MAN1A2: variants seen among roughly 807,000 people sequenced by gnomAD.
MAN1A2 encodes mannosyl-oligosaccharide 1,2-alpha-mannosidase IB.
Under a neutral mutation model 75.7 loss-of-function variants are expected in MAN1A2, and 26 were observed. The ratio of observed to expected loss-of-function variants is 0.34; its 90% CI spans 0.25 to 0.48. The LOEUF (loss-of-function observed/expected upper bound fraction) is 0.48, where lower values mean the gene tolerates loss of function less well. Among genes scored for constraint, MAN1A2 ranks in the 20% least tolerant of loss-of-function variants. The pLI is 0.99. For missense variants in MAN1A2, 562 were observed against 775.5 expected (o/e 0.72, Z 3.27); for synonymous variants, 247 against 264.6 (o/e 0.93, Z 0.65).
At chr1:117,428,772 G>GAGGAGACCT (rs911965397) in intron 5 of MAN1A2, among the ~76,000 whole-genome samples, 2 of 143,586 alleles carry the variant, frequency 1.4e-5, no homozygotes, top group African/African-American at 5.1e-5. Context: ...TCAGAGACAA[G>GAGGAGACCT]AGGAGACCTT....
intron 1 of MAN1A2, among the ~76,000 whole-genome samples, chr1:117,379,642 C>T (rs868665928): frequency 2.0e-5 from 3 of 152,136 alleles, no homozygotes; most frequent in Admixed American, 2.0e-4. Flanking sequence ...TCCCTCCTCC[C>T]TGCTTCCCCC....
intron 4 of MAN1A2, among the ~76,000 whole-genome samples, chr1:117,415,984 T>C (rs899403901): frequency 2.0e-5 from 3 of 152,168 alleles, no homozygotes; most frequent in Non-Finnish European, 4.4e-5. Flanking sequence ...CTATGTAGCC[T>C]TTATACAACA....
intron 12 of MAN1A2, among the ~76,000 whole-genome samples, chr1:117,511,720 T>G (rs1198715724): frequency 1.3e-5 from 2 of 152,106 alleles, no homozygotes; most frequent in Non-Finnish European, 2.9e-5. Flanking sequence ...GTTTAAGGCA[T>G]TACCTGATCA....
chr1:117,443,750 G>A (rs912205439), intron 6 of MAN1A2, among the ~76,000 whole-genome samples: 3 of 152,000 alleles, frequency 2.0e-5, no homozygotes, highest in Non-Finnish European at 4.4e-5. Context: ...TATCATGAAT[G>A]TAATTATTTA....
Position 117,482,186 on chromosome 1 carries a change from G to A in MAN1A2, c.1169-10961G>A, listed in dbSNP as rs139326401. Among the ~76,000 whole-genome samples the A allele has an allele frequency of 4.1e-3, 615 of 151,472 alleles. 5 individuals carry two copies. Among genetic ancestry groups the A allele is most frequent in the African/African-American group, 0.014 (586 of 41,420 alleles). ...ATCAACTCATCATTTACAACTCACC[G>A]TATGTCTTTACAGTAGCATGATTTA... On this transcript the variant is annotated intron_variant, in intron 8 of 12. Transcript: ENST00000356554.
Position 117,526,803 on chromosome 1 carries a change from G to A in MAN1A2, c.*3846G>A, listed in dbSNP as rs1206937114. 5 of 113,718 alleles carry A rather than the reference G, an allele frequency of 4.4e-5. No individual in the cohort carries two copies. In the East Asian group the frequency reaches 1.3e-3, roughly 30 times the overall value. 7.0% of individuals were successfully genotyped at this position (113,718 alleles called of 1,614,324 possible). A position where few individuals can be genotyped will look rare whatever the true frequency, so the allele number is the denominator to read the frequency against. ...TAGTATTTTGAGTTATTTTTCTTTA[G>A]GTTTCCTTATACTCAAATTGGCTAG... On this transcript the variant is annotated 3_prime_UTR_variant, in exon 13 of 13. Coordinates refer to ENST00000356554, the MANE Select transcript of MAN1A2 (RefSeq NM_006699.5).
At chr1:117,395,338 C>T (rs1653871004) in intron 1 of MAN1A2, among the ~76,000 whole-genome samples, 1 of 152,202 alleles carries the variant, frequency 6.6e-6, no homozygotes, top group Non-Finnish European at 1.5e-5. Context: ...CTAGACTCTA[C>T]TTACTAGCTC....
chr1:117,474,386 G>GT (rs3835642), intron 8 of MAN1A2, among the ~76,000 whole-genome samples: 112,195 of 147,174 alleles, frequency 0.76, 42,747 homozygotes, highest in African/African-American at 0.82. Context: ...TATTCCATGA[G>GT]TTTTTTTTTT....
rs1652022878 is a variant in MAN1A2, at chr1:117,526,457, A to T, written c.*3500A>T. The stretch of plus-strand genomic sequence containing the variant: ...TGTGTTACTGTATAATACAACTATA[A>T]TTGTAGTTAATAACTAAAACCTCTT... On this transcript the variant is annotated 3_prime_UTR_variant, in exon 13 of 13. Transcript: ENST00000356554. 1 of 151,824 alleles carries T rather than the reference A, an allele frequency of 6.6e-6. No individual in the cohort carries two copies. Among genetic ancestry groups the T allele is most frequent in the Non-Finnish European group, 1.5e-5 (1 of 67,810 alleles). The allele number at this position is 151,824 out of a possible 1,614,324, so 9.4% of individuals were successfully genotyped here. A position where few individuals can be genotyped will look rare whatever the true frequency, so the allele number is the denominator to read the frequency against.
intron 5 of MAN1A2, among the ~76,000 whole-genome samples, chr1:117,433,013 T>G (rs1213211595): frequency 2.0e-5 from 3 of 150,540 alleles, no homozygotes; most frequent in Non-Finnish European, 4.4e-5. Flanking sequence ...AAGTTAAAGA[T>G]TTGAAAAAGC....
chr1:117,427,315 AGAAAT>A lies in MAN1A2; in HGVS notation c.855+6672_855+6676del, dbSNP rs925084964. 7.1e-4 allele frequency among the ~76,000 whole-genome samples: 108 copies of A among 152,334 alleles called. 1 individual carries two copies. Among genetic ancestry groups the A allele is most frequent in the African/African-American group, 2.6e-3 (107 of 41,584 alleles). Reference sequence around the variant, plus strand: ...TGACCAAATAGATGAAAATCTCATCAGAAATGAAATAACATGGAAATTCTAGAATG... The same window carrying A: ...TGACCAAATAGATGAAAATCTCATCAGAAATAACATGGAAATTCTAGAATG... On this transcript the variant is annotated intron_variant, in intron 5 of 12. Transcript: ENST00000356554.
At chr1:117,513,518 T>A (rs182904322) in intron 12 of MAN1A2, among the ~76,000 whole-genome samples, 9 of 152,112 alleles carry the variant, frequency 5.9e-5, no homozygotes, top group Non-Finnish European at 1.2e-4. Context: ...TTGAAAGGAA[T>A]CAGAAAAAAA....
chr1:117,495,122 G>A (rs1651000799), intron 9 of MAN1A2: 1 of 151,394 alleles, frequency 6.6e-6, no homozygotes, highest in Non-Finnish European at 1.5e-5. Context: ...CATGATAACT[G>A]CTTTGAAAGT....
chr1:117,380,484 A>C (rs1203995055), intron 1 of MAN1A2, among the ~76,000 whole-genome samples: 1 of 152,184 alleles, frequency 6.6e-6, no homozygotes, highest in Non-Finnish European at 1.5e-5. Context: ...ATTTTTTAAA[A>C]AAGAGTTTAT....
At chr1:117,369,398 C>T (rs1416947185) in intron 1 of MAN1A2, among the ~76,000 whole-genome samples, 1 of 152,038 alleles carries the variant, frequency 6.6e-6, no homozygotes, top group Non-Finnish European at 1.5e-5. Flanking sequence ...TTCCTTGTTT[C>T]TTAAAATAAT....
At chr1:117,404,413 A>T (rs535527669) in intron 2 of MAN1A2, among the ~76,000 whole-genome samples, 5 of 152,346 alleles carry the variant, frequency 3.3e-5, no homozygotes, top group African/African-American at 1.2e-4. Flanking sequence ...AGCTCAAACT[A>T]AGTGATACAA....
chr1:117,401,158 T>C (rs1647410814), intron 1 of MAN1A2, among the ~76,000 whole-genome samples: 1 of 152,040 alleles, frequency 6.6e-6, no homozygotes, highest in Non-Finnish European at 1.5e-5. Context: ...TTTTTTTTTT[T>C]TTTTCAGTGA....
chr1:117,415,421 A>G (rs1647956502), intron 4 of MAN1A2, among the ~76,000 whole-genome samples: 1 of 152,008 alleles, frequency 6.6e-6, no homozygotes, highest in Admixed American at 6.6e-5. Flanking sequence ...ATCCTTCACT[A>G]CTTCTCTATG....
intron 2 of MAN1A2, 136 bp from the exon 3 acceptor site, chr1:117,405,413 A>T (rs1266784172): frequency 3.3e-5 from 21 of 640,430 alleles, no homozygotes; most frequent in Non-Finnish European, 3.9e-5. Flanking sequence ...ACTGATACAA[A>T]TGCTAATTGA....
Sources: allele counts gnomAD v4.1 joint callset (sites outside exome capture counted in the v4.1 genomes callset), GRCh38; gene constraint gnomAD v4.1.1; transcripts MANE v1.5; gene names NCBI Gene and HGNC (gene_info 2026-07-23, HGNC 2026-07-21).